GCNT2: variants seen among roughly 807,000 people sequenced by gnomAD.
The protein encoded by GCNT2 is glucosaminyl (N-acetyl) transferase 2 (I blood group).
GCNT2 carries 34 observed loss-of-function variants against 34.2 expected under a neutral mutation model. The observed-to-expected ratio is 1.00, with a 90% CI of 0.76 to 1.32. The LOEUF is 1.32. GCNT2 is among the 40% of genes most tolerant of loss of function. The pLI, the probability that GCNT2 is intolerant of heterozygous loss-of-function variation, is 0.00. For synonymous variants in GCNT2, 212 were observed against 188.0 expected, an observed-to-expected ratio of 1.13 and a Z score of -1.04; for missense variants, 584 against 489.4, an observed-to-expected ratio of 1.19 and a Z score of -1.82.
chr6:10,614,855 C>T lies in GCNT2; in HGVS notation c.926-6496C>T, dbSNP rs573697429. Among the ~76,000 whole-genome samples, 8 of 152,198 alleles carry T rather than the reference C, an allele frequency of 5.3e-5. No individual in the cohort carries two copies. The East Asian group carries it at 1.5e-3, about 29-fold the overall frequency. On this transcript the variant is annotated intron_variant, in intron 3 of 4. Coordinates refer to ENST00000495262, the MANE Select transcript of GCNT2 (RefSeq NM_145649.5). ...ATTGGGAATGGACGCGCGTTCATTC[C>T]TTTAACATTGGTTGAGAGTCTCCTG... is the stretch of plus-strand genomic sequence containing the variant.
chr6:10,571,881 T>G lies in GCNT2; in HGVS notation c.925+42045T>G, dbSNP rs761769465. ...ATTTTCTGCACTATAGACTTAGTGA[T>G]GATTTGCACGCCTGCCCCCTCCACA... On this transcript the variant is annotated intron_variant, in intron 3 of 4. Transcript: ENST00000495262. Among the ~76,000 whole-genome samples, 6 of 150,156 alleles carry G rather than the reference T, an allele frequency of 4.0e-5. No homozygotes were observed. In the South Asian group the frequency reaches 1.0e-3, roughly 26 times the overall value.
Position 10,565,858 on chromosome 6 carries a change from C to A in GCNT2, c.925+36022C>A, listed in dbSNP as rs572675713. The stretch of plus-strand genomic sequence containing the variant: ...TAGTTTCCCTGTTCCGTGCTTTAAT[C>A]CATCCTCCACAGTGACAGGATGGCC... On this transcript the variant is annotated intron_variant, in intron 3 of 4. Coordinates refer to ENST00000495262, the MANE Select transcript of GCNT2 (RefSeq NM_145649.5). Among the ~76,000 whole-genome samples, 71 of 152,304 alleles carry A rather than the reference C, an allele frequency of 4.7e-4. 2 individuals carry two copies. The South Asian group carries it at 0.013, about 27-fold the overall frequency.
At chr6:10,582,556 T>C (rs1225620406) in intron 3 of GCNT2, among the ~76,000 whole-genome samples, 1 of 135,170 alleles carries the variant, frequency 7.4e-6, no homozygotes, top group African/African-American at 2.8e-5. Context: ...GTATAATATA[T>C]ATCATATATA....
At chr6:10,613,849 A>T (rs1765657424) in intron 3 of GCNT2, among the ~76,000 whole-genome samples, 1 of 152,186 alleles carries the variant, frequency 6.6e-6, no homozygotes, top group Non-Finnish European at 1.5e-5. Flanking sequence ...ATGTCCAGGG[A>T]TACCCAGCTG....
chr6:10,616,115 GT>G (rs1765748141), intron 3 of GCNT2, among the ~76,000 whole-genome samples: 1 of 150,594 alleles, frequency 6.6e-6, no homozygotes, highest in Non-Finnish European at 1.5e-5. Context: ...TGTGTTCAGA[GT>G]TTTTTCCTTC....
At chr6:10,546,876 G>A (rs1378669955) in intron 3 of GCNT2, among the ~76,000 whole-genome samples, 1 of 151,974 alleles carries the variant, frequency 6.6e-6, no homozygotes, top group Non-Finnish European at 1.5e-5. Context: ...TCTTTTTCCA[G>A]AGATAACATT....
chr6:10,621,065 G>A (rs975320965), intron 3 of GCNT2, among the ~76,000 whole-genome samples: 3 of 152,064 alleles, frequency 2.0e-5, no homozygotes, highest in Non-Finnish European at 4.4e-5. Context: ...CCCCTCAACC[G>A]AATTAGGTAT....
chr6:10,558,206 A>G (rs1319527244), intron 3 of GCNT2, among the ~76,000 whole-genome samples: 2 of 152,188 alleles, frequency 1.3e-5, no homozygotes, highest in African/African-American at 2.4e-5. Context: ...CCATGAAGCC[A>G]GGGTTATTTT....
rs143453847 is a variant in GCNT2, at chr6:10,529,174, T to C, written c.263T>C (p.Leu88Pro). 6.2e-7 allele frequency: 1 copy of C among 1,614,084 alleles called. No homozygotes were observed. Among genetic ancestry groups the C allele is most frequent in the East Asian group, 2.2e-5 (1 of 44,882 alleles). The change falls in exon 3 of 5, where the codon CTC becomes CCC. Residue 88 changes from leucine to proline, a missense_variant. By Grantham distance (98) the Leu-to-Pro change is moderately conservative. Transcript: ENST00000495262. ...CGAAGCCACTATGTAACAGAAACAC[T>C]CTCTGAAGAAGAGGCTGGGTTCCCT... The part of the protein sequence containing the change: ...MVRSHYVTET[L>P]SEEEAGFPLA...
intron 3 of GCNT2, chr6:10,556,676 CCTTTAT>C (rs1469045353): frequency 3.7e-6 from 6 of 1,614,160 alleles, no homozygotes; most frequent in Non-Finnish European, 4.2e-6. Flanking sequence ...CATCACAGCC[CCTTTAT>C]CTAAGGAAGA....
At chr6:10,586,205 C>A in intron 3 of GCNT2, 4 of 1,614,078 alleles carry the variant, frequency 2.5e-6, no homozygotes, top group Non-Finnish European at 2.5e-6. Flanking sequence ...TGCGAAGTGT[C>A]CCTTGCAAGG....
In GCNT2 at chr6:10,529,013, T is replaced by C; in HGVS notation, c.102T>C (p.Phe34=). 6.2e-7 allele frequency: 1 copy of C among 1,614,116 alleles called. No individual in the cohort carries two copies. The highest frequency in any genetic ancestry group is 1.1e-5 in the South Asian group (1 of 91,084). ...YNTELWENKR[F]LRAALSNASL... is the part of the protein sequence containing the mutation. The stretch of plus-strand genomic sequence containing the variant: ...CTGAGTTATGGGAGAATAAACGTTT[T>C]CTGAGGGCAGCTCTGTCCAATGCTT... Residue 34 remains phenylalanine (F), a synonymous_variant, in exon 3 of 5, where the codon TTT becomes TTC. Coordinates refer to ENST00000495262, the MANE Select transcript of GCNT2 (RefSeq NM_145649.5).
chr6:10,587,696 G>C (rs1437324339), intron 3 of GCNT2, among the ~76,000 whole-genome samples: 1 of 152,236 alleles, frequency 6.6e-6, no homozygotes, highest in East Asian at 1.9e-4. Flanking sequence ...AGCTGAGGCA[G>C]AAGATAGCAC....
chr6:10,558,088 A>T (rs993550452), intron 3 of GCNT2: 1 of 152,078 alleles, frequency 6.6e-6, no homozygotes, highest in Non-Finnish European at 1.5e-5. Flanking sequence ...ACTCCCCCTC[A>T]TTGGCCAGCA....
intron 3 of GCNT2, chr6:10,556,243 G>A (rs867777455): frequency 6.9e-7 from 1 of 1,449,774 alleles, no homozygotes; most frequent in Non-Finnish European, 9.0e-7. Flanking sequence ...CTGTAATATC[G>A]GCACAGGGAC....
chr6:10,544,426 A>G (rs1251813195), intron 3 of GCNT2, among the ~76,000 whole-genome samples: 1 of 151,094 alleles, frequency 6.6e-6, no homozygotes, highest in African/African-American at 2.4e-5. Flanking sequence ...AACTTGGTGA[A>G]ACCCCATCTC....
chr6:10,598,929 T>C (rs1363246317), intron 3 of GCNT2, among the ~76,000 whole-genome samples: 2 of 152,182 alleles, frequency 1.3e-5, no homozygotes, highest in African/African-American at 4.8e-5. Flanking sequence ...TGAATACATA[T>C]CAAGTGCCTG....
chr6:10,584,926 T>C (rs1051595834), intron 3 of GCNT2, among the ~76,000 whole-genome samples: 9 of 152,124 alleles, frequency 5.9e-5, no homozygotes, highest in African/African-American at 2.2e-4. Flanking sequence ...TCATATGATA[T>C]CAACACTGAC....
At chr6:10,540,197 T>TCTTCTTAGC (rs2113580659) in intron 3 of GCNT2, among the ~76,000 whole-genome samples, 1 of 152,210 alleles carries the variant, frequency 6.6e-6, no homozygotes, top group East Asian at 1.9e-4. Flanking sequence ...AGAGGTTCCC[T>TCTTCTTAGC]AGGGTATAGT....
Sources: allele counts gnomAD v4.1 joint callset (sites outside exome capture counted in the v4.1 genomes callset), GRCh38; gene constraint gnomAD v4.1.1; transcripts MANE v1.5; gene names NCBI Gene and HGNC (gene_info 2026-07-23, HGNC 2026-07-21).